The following PIK3CD variants were observed in gnomAD, a reference collection of about 807,000 sequenced individuals.
PIK3CD encodes phosphatidylinositol-4,5-bisphosphate 3-kinase catalytic subunit delta, also known as phosphatidylinositol 4,5-bisphosphate 3-kinase catalytic subunit delta isoform.
Under a neutral mutation model 122.9 loss-of-function variants are expected in PIK3CD, and 20 were observed. The observed-to-expected ratio is 0.16, with a 90% confidence interval of 0.11 to 0.24. The LOEUF is 0.24. Ranked by LOEUF, PIK3CD falls within the 10% of genes least tolerant of loss-of-function variation. The pLI is 1.00. For synonymous variants in PIK3CD, 596 were observed against 593.4 expected (o/e 1.00, Z -0.06); for missense variants, 787 against 1,406.3 (o/e 0.56, Z 7.04).
chr1:9,659,211 C>A (rs911499588), intron 1 of PIK3CD, among the ~76,000 whole-genome samples: 1 of 151,980 alleles, frequency 6.6e-6, no homozygotes, highest in South Asian at 2.1e-4. Context: ...CTAATGCACG[C>A]GGGGCTTAAT....
At position 9,652,506 on chromosome 1, in the gene PIK3CD, G is replaced by C. The variant is rs964700921; in HGVS notation, c.-138+704G>C. 6 of 152,268 alleles carry C rather than the reference G, an allele frequency of 3.9e-5. No individual in the cohort carries two copies. The highest frequency in any genetic ancestry group is 1.4e-4 in the African/African-American group (6 of 41,476). The allele number at this position is 152,268 out of a possible 1,614,324, so 9.4% of individuals were successfully genotyped here. ...TGCTGCAGCGGCGCAGGCGAGATCA[G>C]CTCCGGATCTGCGGCCGAGCCGGGG... On this transcript the variant is annotated intron_variant, in intron 1 of 23. Coordinates refer to ENST00000377346, the MANE Select transcript of PIK3CD (RefSeq NM_005026.5). This position sits in a 1 kb window ranked among gnomAD's most constrained non-coding sequence, Gnocchi z 6.2.
chr1:9,687,915 T>C (rs985663354), intron 1 of PIK3CD, among the ~76,000 whole-genome samples: 2 of 144,252 alleles, frequency 1.4e-5, no homozygotes, highest in Non-Finnish European at 3.1e-5. Context: ...TCTCTCCTCC[T>C]TGGGGGGTGC....
chr1:9,647,054 T>C (rs1248638318), upstream of PIK3CD, among the ~76,000 whole-genome samples: 1 of 150,814 alleles, frequency 6.6e-6, no homozygotes, highest in East Asian at 1.9e-4. Context: ...AAGGTTGCAG[T>C]GAGCCGAGAT....
rs538923039 is a variant in PIK3CD at position 9,701,927 on chromosome 1, C to T, written c.-32-8497C>T. Among the ~76,000 whole-genome samples, 12 of 151,688 alleles carry T rather than the reference C, an allele frequency of 7.9e-5. No homozygotes were observed. In the East Asian group the frequency reaches 1.9e-3, roughly 24 times the overall value. On this transcript the variant is annotated intron_variant, in intron 2 of 23. Transcript: ENST00000377346. Reference sequence around the variant, plus strand: ...CTCTCAGGCTAAGCAAATAGGAGCTCGGTGCCCAGAACATTCTTCTACAGC... The same window carrying T: ...CTCTCAGGCTAAGCAAATAGGAGCTTGGTGCCCAGAACATTCTTCTACAGC...
Position 9,710,666 on chromosome 1 carries a change from C to G in PIK3CD, c.141+70C>G. On this transcript the variant is annotated intron_variant, in intron 3 of 23. Transcript: ENST00000377346. The surrounding 1 kb of genome is among the most constrained non-coding windows in gnomAD (Gnocchi z 4.7). ...AGAGAGAGAGAGAGACACAGATAGA[C>G]AGACAGACAGACAGACAGATGGACA... The G allele has an allele frequency of 7.7e-7, 1 of 1,304,214 alleles. No individual in the cohort carries two copies. The highest frequency in any genetic ancestry group is 1.1e-6 in the Non-Finnish European group (1 of 949,220). The allele number at this position is 1,304,214 out of a possible 1,614,324, so 80.8% of individuals were successfully genotyped here.
Position 9,719,795 on chromosome 1 carries a change from A to T in PIK3CD, c.1243-126A>T. 1 of 815,786 alleles carries T rather than the reference A, an allele frequency of 1.2e-6. No individual in the cohort carries two copies. Among genetic ancestry groups the T allele is most frequent in the Non-Finnish European group, 2.2e-6 (1 of 460,214 alleles). The allele number at this position is 815,786 out of a possible 1,614,324, so 50.5% of individuals were successfully genotyped here. ...TCTCCTTCCCCAAGCAGGGTCTCCC[A>T]GGGGTCTGGTTGGGAGATGTTAGCT... On this transcript the variant is annotated intron_variant, in intron 9 of 23. Coordinates refer to ENST00000377346, the MANE Select transcript of PIK3CD (RefSeq NM_005026.5). This position sits in a 1 kb window ranked among gnomAD's most constrained non-coding sequence, Gnocchi z 5.5.
Position 9,727,538 on chromosome 1 carries a change from G to A in PIK3CD, c.*492G>A, listed in dbSNP as rs1407044670. 1 of 247,062 alleles carries A rather than the reference G, an allele frequency of 4.0e-6. No individual in the cohort carries two copies. The highest frequency in any genetic ancestry group is 8.1e-6 in the Non-Finnish European group (1 of 124,024). The allele number at this position is 247,062 out of a possible 1,614,324, so 15.3% of individuals were successfully genotyped here. A position where few individuals can be genotyped will look rare whatever the true frequency, so the allele number is the denominator to read the frequency against. The stretch of plus-strand genomic sequence containing the variant: ...AGCCGGGGTACCCTCTAGATTCAGG[G>A]ATGCTTGCTCTCCACTTTTCAAGTG... On this transcript the variant is annotated 3_prime_UTR_variant, in exon 24 of 24. Coordinates refer to ENST00000377346, the MANE Select transcript of PIK3CD (RefSeq NM_005026.5).
chr1:9,659,426 C>T (rs1286032230), intron 1 of PIK3CD, among the ~76,000 whole-genome samples: 1 of 152,170 alleles, frequency 6.6e-6, no homozygotes, highest in Non-Finnish European at 1.5e-5. Context: ...TTAAGCATTT[C>T]TAAGAGCGCA....
the PIK3CD span, among the ~76,000 whole-genome samples, chr1:9,637,820 G>T: frequency 6.6e-6 from 1 of 152,104 alleles, no homozygotes; most frequent in Admixed American, 6.6e-5. Context: ...CCATACACCT[G>T]TAAAGAAGTT....
intron 1 of PIK3CD, among the ~76,000 whole-genome samples, chr1:9,688,559 C>T (rs928405963): frequency 6.6e-5 from 10 of 151,872 alleles, no homozygotes; most frequent in African/African-American, 2.4e-4. Flanking sequence ...TGGATAAAAA[C>T]TGGAGCGCCT....
the PIK3CD span, among the ~76,000 whole-genome samples, chr1:9,644,296 C>T: frequency 6.6e-6 from 1 of 152,032 alleles, no homozygotes; most frequent in Non-Finnish European, 1.5e-5. Flanking sequence ...AGGAGGATCA[C>T]CTGAGGTCAG....
At position 9,727,346 on chromosome 1, in the gene PIK3CD, G is replaced by GAC; in HGVS notation, c.*301_*302dup. On this transcript the variant is annotated 3_prime_UTR_variant, in exon 24 of 24. Transcript: ENST00000377346. ...AGCTGGTGGATCTGGGCCCAGCAAA[G>GAC]ACTGTTCTCCTCCCGAGGGAACCTT... is the stretch of plus-strand genomic sequence containing the variant. The GAC allele has an allele frequency of 2.1e-6, 1 of 484,886 alleles. No homozygotes were observed. The highest frequency in any genetic ancestry group is 2.1e-5 in the South Asian group (1 of 48,186). The allele number at this position is 484,886 out of a possible 1,614,324, so 30.0% of individuals were successfully genotyped here. A position where few individuals can be genotyped will look rare whatever the true frequency, so the allele number is the denominator to read the frequency against.
chr1:9,720,560 C>A lies in PIK3CD; in HGVS notation c.1471-51C>A. The A allele has an allele frequency of 6.5e-7, 1 of 1,548,970 alleles. No individual in the cohort carries two copies. Among genetic ancestry groups the A allele is most frequent in the Non-Finnish European group, 8.7e-7 (1 of 1,146,210 alleles). ...GGCAATGCCCGGCCTGGGGGTCCTG[C>A]CCGGGCTGGTCCAGGCCCCTGGGGA... is the stretch of plus-strand genomic sequence containing the variant. On this transcript the variant is annotated intron_variant, in intron 11 of 23. Coordinates refer to ENST00000377346, the MANE Select transcript of PIK3CD (RefSeq NM_005026.5). This position sits in a 1 kb window ranked among gnomAD's most constrained non-coding sequence, Gnocchi z 9.0.
chr1:9,681,518 G>A (rs1259135343), intron 1 of PIK3CD, among the ~76,000 whole-genome samples: 3 of 152,178 alleles, frequency 2.0e-5, no homozygotes, highest in Admixed American at 1.3e-4. Flanking sequence ...GGGTTAAAGC[G>A]ATTCTCCTGC....
Position 9,721,354 on chromosome 1 carries a change from C to G in PIK3CD, c.1812-90C>G, listed in dbSNP as rs12735071. 703,179 of 1,607,388 alleles carry G rather than the reference C, an allele frequency of 0.44. 169,734 individuals carry two copies. The highest frequency in any genetic ancestry group is 0.5 in the Non-Finnish European group (591,611 of 1,178,514). ...CTGAACCTTCCCGTGGGCTTGCTCC[C>G]TCCTGCCTGGCCTCCCTCTGGCTGC... On this transcript the variant is annotated intron_variant, in intron 14 of 23. Transcript: ENST00000377346.
chr1:9,711,610 G>A (rs1303065585), intron 3 of PIK3CD, among the ~76,000 whole-genome samples: 2 of 151,630 alleles, frequency 1.3e-5, no homozygotes, highest in East Asian at 2.0e-4. Context: ...GTCTCACTCT[G>A]TTGCCCAGCC....
At chr1:9,651,160 T>C (rs891932088), upstream of PIK3CD, among the ~76,000 whole-genome samples, 6 of 152,244 alleles carry the variant, frequency 3.9e-5, no homozygotes, top group Non-Finnish European at 7.3e-5. Flanking sequence ...ATTTTCTTTA[T>C]AGATAGAAAT....
chr1:9,629,372 TCCTCAGCAGCTGAC>T, the PIK3CD span, among the ~76,000 whole-genome samples: 10 of 151,556 alleles, frequency 6.6e-5, no homozygotes, highest in Admixed American at 6.6e-4. Context: ...GGGAGGACGG[TCCTCAGCAGCTGAC>T]CCTCTCCCCT....
Position 9,717,098 on chromosome 1 carries a change from C to A in PIK3CD, c.920C>A (p.Pro307His). 6.2e-7 allele frequency: 1 copy of A among 1,613,958 alleles called. No individual in the cohort carries two copies. The highest frequency in any genetic ancestry group is 8.5e-7 in the Non-Finnish European group (1 of 1,180,028). ...QKPRAKPPPI[P>H]AKKPSSVSLW... ...CCGCGTGCCAAACCACCTCCCATTC[C>A]TGCGAAGAAGGTGAGATGGCGCCTT... Residue 307 changes from proline to histidine, a missense_variant, in exon 7 of 24, where the codon CCT becomes CAT. Transcript: ENST00000377346. The surrounding 1 kb of genome is among the most constrained non-coding windows in gnomAD (Gnocchi z 5.4).
Sources: allele counts gnomAD v4.1 joint callset (sites outside exome capture counted in the v4.1 genomes callset), GRCh38; gene constraint gnomAD v4.1.1; non-coding constraint Gnocchi (gnomAD v3.1); transcripts MANE v1.5; gene names NCBI Gene and HGNC (gene_info 2026-07-23, HGNC 2026-07-21).